Variants in ST18 observed in about 807,000 individuals in gnomAD.
ST18 encodes the protein suppression of tumorigenicity 18 protein.
Under a neutral mutation model 110.0 loss-of-function variants are expected in ST18, and 50 were observed. The ratio of observed to expected loss-of-function variants is 0.45; its 90% confidence interval spans 0.36 to 0.58. The LOEUF is 0.58. Among genes scored for constraint, ST18 ranks in the 20% least tolerant of loss-of-function variants. ST18 has a pLI of 0.00. For synonymous variants in ST18, 461 were observed against 452.4 expected, an observed-to-expected ratio of 1.02 and a Z score of -0.24; for missense variants, 1,306 against 1,280.1, an observed-to-expected ratio of 1.02 and a Z score of -0.31.
chr8:52,338,912 A>AT (rs1276717640), intron 2 of ST18, among the ~76,000 whole-genome samples: 2 of 151,244 alleles, frequency 1.3e-5, no homozygotes, highest in African/African-American at 2.4e-5. Context: ...TATTTTTAAA[A>AT]TTTTTTTGTG....
At position 52,149,879 on chromosome 8, in the gene ST18, A is replaced by G. The variant is rs1256732379; in HGVS notation, c.1905T>C (p.Thr635=). The change falls in exon 16 of 26, where the codon ACT becomes ACC. Residue 635 remains threonine, a synonymous_variant. Coordinates refer to ENST00000689386, the MANE Select transcript of ST18 (RefSeq NM_001352837.2). ...GGGAAGAGGAAGGAGTTGGAATAGA[A>G]GTGTTAGAGGAAGTTAGGGGTGCAG... The part of the protein sequence containing the change: ...DKSAPLTSSN[T]SIPTPSSSPF... The G allele has an allele frequency of 1.2e-6, 2 of 1,614,154 alleles. No individual in the cohort carries two copies. The highest frequency in any genetic ancestry group is 3.3e-5 in the Admixed American group (2 of 60,012).
chr8:52,219,605 T>C (rs2085842180), intron 5 of ST18, among the ~76,000 whole-genome samples: 1 of 152,192 alleles, frequency 6.6e-6, no homozygotes, highest in Admixed American at 6.5e-5. Context: ...TTGTCTCCCC[T>C]AATCCCTCCT....
chr8:52,299,081 A>G (rs1404464474), intron 2 of ST18, among the ~76,000 whole-genome samples: 1 of 152,168 alleles, frequency 6.6e-6, no homozygotes, highest in Admixed American at 6.5e-5. Context: ...CAGTGATTAT[A>G]TTTTGGAATA....
At chr8:52,323,148 A>G (rs1804758930) in intron 2 of ST18, among the ~76,000 whole-genome samples, 1 of 151,974 alleles carries the variant, frequency 6.6e-6, no homozygotes, top group African/African-American at 2.4e-5. Flanking sequence ...GCTGGGCTCT[A>G]GACACCAAAG....
rs139009098 is a variant in ST18 at position 52,272,041 on chromosome 8, C to T, written c.-464-41964G>A. Among the ~76,000 whole-genome samples, 901 of 152,200 alleles carry T rather than the reference C, an allele frequency of 5.9e-3. 5 individuals carry two copies. Among genetic ancestry groups the T allele is most frequent in the African/African-American group, 0.021 (853 of 41,532 alleles). ...CTGGAGACTCTTATCTTACTCCATA[C>T]AGAAAAATCAGCTTAAAATGGATTA... On this transcript the variant is annotated intron_variant, in intron 2 of 25. Coordinates refer to ENST00000689386, the MANE Select transcript of ST18 (RefSeq NM_001352837.2).
intron 2 of ST18, among the ~76,000 whole-genome samples, chr8:52,271,915 T>A (rs1225667914): frequency 6.6e-6 from 1 of 152,228 alleles, no homozygotes; most frequent in Non-Finnish European, 1.5e-5. Context: ...CGCCATCAAA[T>A]CGAAGAGAGA....
intron 2 of ST18, among the ~76,000 whole-genome samples, chr8:52,263,241 C>T (rs943247022): frequency 6.6e-6 from 1 of 152,158 alleles, no homozygotes; most frequent in African/African-American, 2.4e-5. Context: ...CTCCTGGGCT[C>T]CTCCATCTAA....
intron 8 of ST18, among the ~76,000 whole-genome samples, chr8:52,211,174 T>C (rs2082025821): frequency 6.6e-6 from 1 of 152,060 alleles, no homozygotes. Context: ...TTTCTTTAAC[T>C]ATACCCTGAC....
chr8:52,407,020 G>A (rs185835989), intron 2 of ST18: 6 of 152,288 alleles, frequency 3.9e-5, no homozygotes, highest in Middle Eastern at 3.4e-3. Context: ...TAGCCTATAA[G>A]AATGATCATC....
intron 9 of ST18, among the ~76,000 whole-genome samples, chr8:52,178,892 T>C (rs2068182808): frequency 6.6e-6 from 1 of 152,066 alleles, no homozygotes. Context: ...AAGCCAGTAT[T>C]ACTGGATCTA....
chr8:52,239,570 C>A (rs41328053), intron 2 of ST18, among the ~76,000 whole-genome samples: 2,195 of 152,008 alleles, frequency 0.014, 36 homozygotes, highest in African/African-American at 0.049. Flanking sequence ...AGAATGCAAG[C>A]AGTTGAAGTT....
chr8:52,409,204 C>A (rs1845570545), intron 2 of ST18, 124 bp downstream of exon 2: 1 of 152,200 alleles, frequency 6.6e-6, no homozygotes, highest in South Asian at 2.1e-4. Context: ...GAGGGAGGGG[C>A]AAAAGGTGAG....
intron 8 of ST18, among the ~76,000 whole-genome samples, chr8:52,195,493 TAAAG>T (rs1385097605): frequency 1.1e-4 from 17 of 152,052 alleles, no homozygotes; most frequent in Non-Finnish European, 1.9e-4. Context: ...ATTTTGATCA[TAAAG>T]AAAGATAAAA....
intron 8 of ST18, among the ~76,000 whole-genome samples, chr8:52,208,232 C>T (rs914336001): frequency 6.6e-6 from 1 of 152,162 alleles, no homozygotes; most frequent in Non-Finnish European, 1.5e-5. Context: ...GAAGCAATAA[C>T]ACGTCCAATG....
intron 2 of ST18, among the ~76,000 whole-genome samples, chr8:52,247,310 A>G (rs1182928251): frequency 6.6e-6 from 1 of 152,210 alleles, no homozygotes; most frequent in Non-Finnish European, 1.5e-5. Context: ...TATATTTCAG[A>G]TGCAAGACCC....
At chr8:52,170,205 C>T (rs1010907346) in intron 10 of ST18, among the ~76,000 whole-genome samples, 1 of 152,152 alleles carries the variant, frequency 6.6e-6, no homozygotes, top group Non-Finnish European at 1.5e-5. Context: ...AAAATGATCA[C>T]ACCTGTAATC....
At chr8:52,326,020 G>A (rs976788061) in intron 2 of ST18, among the ~76,000 whole-genome samples, 2 of 152,164 alleles carry the variant, frequency 1.3e-5, no homozygotes, top group South Asian at 4.1e-4. Context: ...ACCTTTGGTT[G>A]AGTCCTAGCC....
At chr8:52,373,192 C>G (rs568162425) in intron 2 of ST18, among the ~76,000 whole-genome samples, 2 of 152,208 alleles carry the variant, frequency 1.3e-5, no homozygotes, top group South Asian at 4.2e-4. Context: ...TCACACAGCT[C>G]AATCAGCCTG....
chr8:52,149,587 T>A, intron 16 of ST18, 145 bp downstream of exon 16: 4 of 1,201,650 alleles, frequency 3.3e-6, no homozygotes, highest in Non-Finnish European at 3.4e-6. Context: ...ACATTAAAAA[T>A]CACCACTTTA....
Sources: allele counts gnomAD v4.1 joint callset (sites outside exome capture counted in the v4.1 genomes callset), GRCh38; gene constraint gnomAD v4.1.1; transcripts MANE v1.5; gene names NCBI Gene and HGNC (gene_info 2026-07-23, HGNC 2026-07-21).